Variants in PPP1R21 observed in about 807,000 individuals in gnomAD.
The protein encoded by PPP1R21 is protein phosphatase 1 regulatory subunit 21, also known as KLRAQ motif containing 1.
Under a neutral mutation model 112.8 loss-of-function variants are expected in PPP1R21, and 85 were observed. The observed-to-expected ratio is 0.75, with a 90% CI of 0.63 to 0.90. The LOEUF (loss-of-function observed/expected upper bound fraction) is 0.90, where lower values mean the gene tolerates loss of function less well. PPP1R21 is among the 40% of genes least tolerant of loss of function. The probability of loss-of-function intolerance (pLI) is 0.00; values close to 1 mark genes in which losing one functional copy is unlikely to be tolerated. For missense variants in PPP1R21, 1,199 were observed against 901.5 expected, an observed-to-expected ratio of 1.33 and a Z score of -4.23; for synonymous variants, 381 against 322.3, an observed-to-expected ratio of 1.18 and a Z score of -1.95.
In PPP1R21 at chr2:48,498,640, G is replaced by A; in HGVS notation, c.1840G>A (p.Gly614Arg). The A allele has an allele frequency of 6.2e-7, 1 of 1,614,210 alleles. No individual in the cohort carries two copies. Among genetic ancestry groups the A allele is most frequent in the South Asian group, 1.1e-5 (1 of 91,082 alleles). The change falls in exon 17 of 22, where the codon GGG (glycine) becomes AGG (arginine). Residue 614 changes from glycine to arginine, a missense_variant. Coordinates refer to ENST00000294952, the MANE Select transcript of PPP1R21 (RefSeq NM_001135629.3). ...GAATACAGGTAGTGCCCAGCTGGTT[G>A]GGCTGGCCCAGGAAAATGCTGCTGT... ...LKNTGSAQLVGLAQENAAVSN... is the reference protein window; with the variant it reads ...LKNTGSAQLVRLAQENAAVSN...
At chr2:48,468,889 A>T (rs1668328902) in intron 9 of PPP1R21, among the ~76,000 whole-genome samples, 1 of 151,696 alleles carries the variant, frequency 6.6e-6, no homozygotes, top group African/African-American at 2.4e-5. Flanking sequence ...ATATATATGT[A>T]TAAGTCCGTC....
chr2:48,475,764 G>C (rs981728720), intron 12 of PPP1R21, among the ~76,000 whole-genome samples: 1 of 151,866 alleles, frequency 6.6e-6, no homozygotes, highest in South Asian at 2.1e-4. Flanking sequence ...GGAGAATCGC[G>C]TGAGCCTGGG....
chr2:48,505,498 C>A, intron 17 of PPP1R21, 66 bp from the exon 18 acceptor site: 1 of 1,169,020 alleles, frequency 8.6e-7, no homozygotes. Context: ...ATATTAAAAG[C>A]GTTTGATCTA....
At chr2:48,502,038 T>G (rs1399350163) in intron 17 of PPP1R21, 4 of 152,162 alleles carry the variant, frequency 2.6e-5, no homozygotes, top group Non-Finnish European at 5.9e-5. Flanking sequence ...GCTGGTATAT[T>G]TGAGTTGTTA....
chr2:48,451,115 G>A, intron 2 of PPP1R21, 39 bp downstream of exon 2: 2 of 1,546,596 alleles, frequency 1.3e-6, no homozygotes, highest in Non-Finnish European at 1.8e-6. Flanking sequence ...GGTTAAGTTA[G>A]CATTTGGTGT....
At chr2:48,505,190 T>C (rs761909337) in intron 17 of PPP1R21, among the ~76,000 whole-genome samples, 7 of 152,244 alleles carry the variant, frequency 4.6e-5, no homozygotes, top group African/African-American at 1.7e-4. Context: ...TTAATTATTA[T>C]GGTCACCGTA....
At chr2:48,489,633 C>T (rs1437614240) in intron 14 of PPP1R21, among the ~76,000 whole-genome samples, 1 of 152,006 alleles carries the variant, frequency 6.6e-6, no homozygotes, top group East Asian at 2.0e-4. Flanking sequence ...AGCCACTGCA[C>T]CTGGCTTATC....
chr2:48,477,317 C>T (rs1048477472), intron 12 of PPP1R21, among the ~76,000 whole-genome samples: 5 of 151,868 alleles, frequency 3.3e-5, no homozygotes, highest in African/African-American at 1.2e-4. Flanking sequence ...ATGGGGGTCT[C>T]ACCATGTTGG....
At chr2:48,461,562 G>A (rs1667981217) in intron 7 of PPP1R21, among the ~76,000 whole-genome samples, 2 of 152,150 alleles carry the variant, frequency 1.3e-5, no homozygotes, top group Admixed American at 6.5e-5. Context: ...TGGGGTGGGG[G>A]AAATGAGGCT....
intron 11 of PPP1R21, among the ~76,000 whole-genome samples, chr2:48,474,261 T>C (rs1336655083): frequency 6.6e-6 from 1 of 152,122 alleles, no homozygotes; most frequent in Non-Finnish European, 1.5e-5. Context: ...TGGGTGCCTG[T>C]AATCCCAGCA....
At chr2:48,467,161 G>C (rs904874024) in intron 9 of PPP1R21, among the ~76,000 whole-genome samples, 1 of 152,118 alleles carries the variant, frequency 6.6e-6, no homozygotes, top group Admixed American at 6.5e-5. Flanking sequence ...TTATCCAGTT[G>C]AGCTTGGGGG....
At chr2:48,483,370 A>G (rs1362796466) in intron 13 of PPP1R21, among the ~76,000 whole-genome samples, 1 of 151,576 alleles carries the variant, frequency 6.6e-6, no homozygotes, top group Admixed American at 6.6e-5. Flanking sequence ...TTAAATAGAG[A>G]CAGGGTTTCG....
Position 48,456,618 on chromosome 2 carries a change from G to A in PPP1R21, c.274-1508G>A, listed in dbSNP as rs576377745. Among the ~76,000 whole-genome samples the A allele has an allele frequency of 1.7e-4, 26 of 152,310 alleles. No homozygotes were observed. The South Asian group carries it at 5.4e-3, about 32-fold the overall frequency. On this transcript the variant is annotated intron_variant, in intron 3 of 21. Coordinates refer to ENST00000294952, the MANE Select transcript of PPP1R21 (RefSeq NM_001135629.3). ...CATATTTCCCATGTAATGGGTAGTT[G>A]CCATAATTATATGTTAATAGTTTTC...
intron 3 of PPP1R21, chr2:48,457,857 A>C (rs778491783): frequency 1.1e-5 from 4 of 349,872 alleles, no homozygotes; most frequent in African/African-American, 2.1e-5. Context: ...CAGCAGAACT[A>C]CTCCTGAATT....
chr2:48,514,456 T>A (rs11677398), intron 21 of PPP1R21, among the ~76,000 whole-genome samples: 147,887 of 152,300 alleles, frequency 0.97, 72,072 homozygotes, highest in Middle Eastern at 1. Flanking sequence ...CCAAGATAGT[T>A]GCTTTCTTTT....
rs184335371 is a variant in PPP1R21 at position 48,452,924 on chromosome 2, C to T, written c.127-1671C>T. ...GCAGGTAATGTCAGTAGAGTGTAGA[C>T]ACTAGCCTATGGCTTTTAAGTTGCT... is the stretch of plus-strand genomic sequence containing the variant. On this transcript the variant is annotated intron_variant, in intron 2 of 21. Transcript: ENST00000294952. 1.8e-3 allele frequency among the ~76,000 whole-genome samples: 273 copies of T among 151,074 alleles called. 2 individuals carry two copies. Among genetic ancestry groups the T allele is most frequent in the East Asian group, 3.5e-3 (18 of 5,144 alleles).
Position 48,511,586 on chromosome 2 carries a change from G to A in PPP1R21, c.2313+118G>A, listed in dbSNP as rs141243908. 6.1e-4 allele frequency: 779 copies of A among 1,271,850 alleles called. 10 individuals carry two copies. In the African/African-American group the frequency reaches 0.01, roughly 17 times the overall value. The allele number at this position is 1,271,850 out of a possible 1,614,324, so 78.8% of individuals were successfully genotyped here. On this transcript the variant is annotated intron_variant, in intron 21 of 21. Transcript: ENST00000294952. ...GATTTAAAGTGTTTGTAAGGGCCAGGGGCAGTGGCTTAAGCCTGTAATCCC... is the reference window on the plus strand; with the variant it reads ...GATTTAAAGTGTTTGTAAGGGCCAGAGGCAGTGGCTTAAGCCTGTAATCCC...
chr2:48,454,463 T>A, intron 2 of PPP1R21, 132 bp from the exon 3 acceptor site: 1 of 1,038,196 alleles, frequency 9.6e-7, no homozygotes. Flanking sequence ...ACTGAAGTGA[T>A]ACACATACAA....
In PPP1R21 at chr2:48,464,984, C is replaced by T; in HGVS notation, c.742C>T (p.His248Tyr). 4 of 1,557,052 alleles carry T rather than the reference C, an allele frequency of 2.6e-6. No homozygotes were observed. Among genetic ancestry groups the T allele is most frequent in the African/African-American group, 1.4e-5 (1 of 70,276 alleles). Residue 248 changes from histidine to tyrosine, a missense_variant, in exon 8 of 22, where the codon CAC becomes TAC. By Grantham distance (83) the His-to-Tyr change is moderately conservative. Transcript: ENST00000294952. ...ALNVPLHNRR[H>Y]QLKMRDIAGQ... Reference sequence around the variant, plus strand: ...GAACGTTCCACTCCACAATAGGAGACACCAGGTAAAGGATGAAGTACATGT... The same window carrying T: ...GAACGTTCCACTCCACAATAGGAGATACCAGGTAAAGGATGAAGTACATGT...
Sources: allele counts gnomAD v4.1 joint callset (sites outside exome capture counted in the v4.1 genomes callset), GRCh38; gene constraint gnomAD v4.1.1; transcripts MANE v1.5; gene names NCBI Gene and HGNC (gene_info 2026-07-23, HGNC 2026-07-21).